Variants in NRL observed in about 807,000 individuals in gnomAD.
NRL encodes neural retina leucine zipper, also known as neural retina-specific leucine zipper protein.
Under a neutral mutation model 12.5 loss-of-function variants are expected in NRL, and 16 were observed. The ratio of observed to expected loss-of-function variants is 1.28; its 90% confidence interval spans 0.87 to 1.95. NRL has a LOEUF of 1.95. Among genes scored for constraint, NRL ranks in the 30% most tolerant of loss-of-function variants. The pLI, the probability that NRL is intolerant of heterozygous loss-of-function variation, is 0.00. For synonymous variants in NRL, 142 were observed against 150.9 expected (o/e 0.94, Z 0.43); for missense variants, 314 against 325.8 (o/e 0.96, Z 0.28).
chr14:24,098,442 A>G, intron 1 of NRL: 1 of 1,613,676 alleles, frequency 6.2e-7, no homozygotes, highest in Non-Finnish European at 8.5e-7. Context: ...ACAGGTTTGG[A>G]ACCCTTCATC....
At chr14:24,107,945 T>C (rs944148919) in intron 1 of NRL, among the ~76,000 whole-genome samples, 7 of 152,242 alleles carry the variant, frequency 4.6e-5, no homozygotes, top group Non-Finnish European at 8.8e-5. Flanking sequence ...ACCAGTTAGT[T>C]ACACACAAAC....
intron 1 of NRL, chr14:24,103,699 G>C (rs149521304): frequency 1.2e-6 from 2 of 1,614,186 alleles, no homozygotes; most frequent in East Asian, 2.2e-5. Context: ...GAGAATGCTC[G>C]GGTGCTAGAC....
rs1373003757 is a variant in NRL, at chr14:24,094,555, G to T, written c.-27-11680C>A. On this transcript the variant is annotated intron_variant, in intron 1 of 2. Coordinates refer to ENST00000561028, the MANE Select transcript of NRL (RefSeq NM_001354768.3). The surrounding 1 kb of genome is among the most constrained non-coding windows in gnomAD (Gnocchi z 4.1). ...GGTTTCCCATCCTAGGCGGAGGCGG[G>T]CAGGGGCGACTGCTGTGGGTCCAGC... is the stretch of plus-strand genomic sequence containing the variant. 1 of 1,441,048 alleles carries T rather than the reference G, an allele frequency of 6.9e-7. No individual in the cohort carries two copies. 89.3% of individuals were successfully genotyped at this position (1,441,048 alleles called of 1,614,324 possible).
chr14:24,102,989 C>A, intron 1 of NRL: 1 of 1,373,580 alleles, frequency 7.3e-7, no homozygotes, highest in Non-Finnish European at 1.0e-6. Context: ...CTGGATCTCA[C>A]CTTTCTCCAG....
chr14:24,084,829 G>T, intron 1 of NRL: 3 of 527,420 alleles, frequency 5.7e-6, no homozygotes, highest in Non-Finnish European at 7.3e-6. Context: ...CCCCAACAAA[G>T]CTCCTCACTG....
In NRL at chr14:24,094,140, C is replaced by A. The variant is rs755310916; in HGVS notation, c.-27-11265G>T. On this transcript the variant is annotated intron_variant, in intron 1 of 2. Coordinates refer to ENST00000561028, the MANE Select transcript of NRL (RefSeq NM_001354768.3). This position sits in a 1 kb window ranked among gnomAD's most constrained non-coding sequence, Gnocchi z 4.1. ...CCTCCAATGGGAGAGATGGGTTTGGCGGTTTGGAGGCAGGGGTTGGGGCGG... is the reference window on the plus strand; with the variant it reads ...CCTCCAATGGGAGAGATGGGTTTGGAGGTTTGGAGGCAGGGGTTGGGGCGG... 2 of 542,946 alleles carry A rather than the reference C, an allele frequency of 3.7e-6. No individual in the cohort carries two copies. Among genetic ancestry groups the A allele is most frequent in the East Asian group, 3.5e-5 (1 of 28,754 alleles). 33.6% of individuals were successfully genotyped at this position (542,946 alleles called of 1,614,324 possible).
At chr14:24,114,479 G>A (rs992095225) in intron 1 of NRL, 1 of 170,974 alleles carries the variant, frequency 5.8e-6, no homozygotes, top group Non-Finnish European at 1.2e-5. Flanking sequence ...TCTGAAAAGT[G>A]CGATGCCAAA....
In NRL at chr14:24,094,365, C is replaced by T; in HGVS notation, c.-27-11490G>A. The T allele has an allele frequency of 1.3e-6, 2 of 1,529,092 alleles. No individual in the cohort carries two copies. Among genetic ancestry groups the T allele is most frequent in the Non-Finnish European group, 1.8e-6 (2 of 1,137,282 alleles). The allele number at this position is 1,529,092 out of a possible 1,614,324, so 94.7% of individuals were successfully genotyped here. On this transcript the variant is annotated intron_variant, in intron 1 of 2. Coordinates refer to ENST00000561028, the MANE Select transcript of NRL (RefSeq NM_001354768.3). The surrounding 1 kb of genome is among the most constrained non-coding windows in gnomAD (Gnocchi z 4.1). ...CCCGCCTTCCATACCTCCCCGGCTC[C>T]GCTCGGTTCCTGGCCACCCCGCAGC...
At chr14:24,090,889 G>A (rs1202594625) in intron 1 of NRL, among the ~76,000 whole-genome samples, 7 of 152,290 alleles carry the variant, frequency 4.6e-5, no homozygotes, top group East Asian at 3.9e-4. Context: ...ATTCAGAAAC[G>A]TGGCACTCAT....
At chr14:24,082,364 C>T (rs1594249198) in intron 2 of NRL, 104 bp downstream of exon 2, 1 of 1,440,226 alleles carries the variant, frequency 6.9e-7, no homozygotes. Context: ...TGCCCTCTGT[C>T]CCCTGTCCCA....
chr14:24,096,704 GC>G (rs1448788489), intron 1 of NRL, among the ~76,000 whole-genome samples: 1 of 152,102 alleles, frequency 6.6e-6, no homozygotes, highest in Non-Finnish European at 1.5e-5. Flanking sequence ...CCCTCCTCAA[GC>G]CTCATAAAGG....
At chr14:24,091,017 A>C (rs1174161040) in intron 1 of NRL, among the ~76,000 whole-genome samples, 2 of 152,258 alleles carry the variant, frequency 1.3e-5, no homozygotes, top group Non-Finnish European at 2.9e-5. Context: ...GAGATATAAA[A>C]GTAACTACAG....
intron 1 of NRL, chr14:24,099,896 T>C: frequency 1.2e-6 from 2 of 1,605,954 alleles, no homozygotes; most frequent in South Asian, 2.2e-5. Flanking sequence ...AGATCTTGGG[T>C]CCATCTCAGG....
chr14:24,104,640 C>CAAAAAAAAAAAAAAAAA (rs375795839), intron 1 of NRL, among the ~76,000 whole-genome samples: 1 of 106,180 alleles, frequency 9.4e-6, no homozygotes, highest in African/African-American at 3.2e-5. Context: ...AACTCCGTCA[C>CAAAAAAAAAAAAAAAAA]AAAAAAAAAA....
At chr14:24,106,020 G>T (rs2037333933) in intron 1 of NRL, among the ~76,000 whole-genome samples, 1 of 152,242 alleles carries the variant, frequency 6.6e-6, no homozygotes, top group African/African-American at 2.4e-5. Flanking sequence ...GTCTGTAGTA[G>T]CCTCAAGATT....
At chr14:24,084,709 C>A in intron 1 of NRL, 1 of 985,432 alleles carries the variant, frequency 1.0e-6, no homozygotes, top group Non-Finnish European at 1.2e-6. Flanking sequence ...GGCCTCCAAC[C>A]AATAAGGTAA....
intron 1 of NRL, among the ~76,000 whole-genome samples, chr14:24,105,681 G>T (rs1216058493): frequency 1.3e-5 from 2 of 152,224 alleles, no homozygotes; most frequent in Non-Finnish European, 2.9e-5. Context: ...CACTTTGGGA[G>T]GCCAAGGAGG....
chr14:24,081,602 C>A lies in NRL; in HGVS notation c.382-34G>T, dbSNP rs953755697. The A allele has an allele frequency of 1.1e-5, 17 of 1,560,710 alleles. No homozygotes were observed. The highest frequency in any genetic ancestry group is 1.4e-5 in the Non-Finnish European group (16 of 1,154,022). On this transcript the variant is annotated intron_variant, in intron 2 of 2. Coordinates refer to ENST00000561028, the MANE Select transcript of NRL (RefSeq NM_001354768.3). This position sits in a 1 kb window ranked among gnomAD's most constrained non-coding sequence, Gnocchi z 4.4. ...GGAGAATGCAGAAACCGGGTCAGCG[C>A]CAGGTCGCACCCGGCTCTGCCCTGA...
At chr14:24,091,151 G>A (rs1033788619) in intron 1 of NRL, among the ~76,000 whole-genome samples, 1 of 151,760 alleles carries the variant, frequency 6.6e-6, no homozygotes, top group South Asian at 2.1e-4. Flanking sequence ...GTGTGTGTGT[G>A]TGTGTGTGTG....
Sources: gnomAD v4.1 joint callset for allele counts (sites outside exome capture counted in the v4.1 genomes callset) on GRCh38, gnomAD v4.1.1 for gene constraint, Gnocchi (gnomAD v3.1) non-coding constraint, MANE v1.5 for transcripts, NCBI Gene and HGNC (gene_info 2026-07-23, HGNC 2026-07-21) for gene names.